CNTNAP2: variants seen among roughly 807,000 people sequenced by gnomAD.
The protein encoded by CNTNAP2 is contactin associated protein 2.
A neutral mutation model predicts 155.2 loss-of-function variants in CNTNAP2; 98 were observed. The ratio of observed to expected loss-of-function variants is 0.63; its 90% confidence interval spans 0.54 to 0.75. The LOEUF (loss-of-function observed/expected upper bound fraction) is 0.75. Among genes scored for constraint, CNTNAP2 ranks in the 30% least tolerant of loss-of-function variants. The probability of loss-of-function intolerance (pLI) is 0.00; values close to 1 mark genes in which losing one functional copy is unlikely to be tolerated. For synonymous variants in CNTNAP2, 651 were observed against 631.2 expected, an observed-to-expected ratio of 1.03 and a Z score of -0.47; for missense variants, 1,727 against 1,688.1, an observed-to-expected ratio of 1.02 and a Z score of -0.40.
At chr7:147,826,305 T>C (rs565958838) in intron 13 of CNTNAP2, among the ~76,000 whole-genome samples, 1 of 152,242 alleles carries the variant, frequency 6.6e-6, no homozygotes, top group Non-Finnish European at 1.5e-5. Flanking sequence ...GTTCAATGAA[T>C]ACTTAAAATT....
chr7:147,120,212 C>G (rs1801074758), intron 5 of CNTNAP2, among the ~76,000 whole-genome samples: 1 of 152,110 alleles, frequency 6.6e-6, no homozygotes, highest in Admixed American at 6.6e-5. Flanking sequence ...ATAATTATAA[C>G]AGTCATAAAA....
At chr7:146,587,908 A>G (rs1480616029) in intron 1 of CNTNAP2, among the ~76,000 whole-genome samples, 3 of 151,920 alleles carry the variant, frequency 2.0e-5, no homozygotes, top group African/African-American at 7.3e-5. Context: ...TCCTGACCTC[A>G]GGTGATCTGC....
chr7:148,010,554 G>T (rs1295556529), intron 15 of CNTNAP2, among the ~76,000 whole-genome samples: 1 of 151,154 alleles, frequency 6.6e-6, no homozygotes, highest in African/African-American at 2.4e-5. Flanking sequence ...TAATCTAAGG[G>T]TTCAGTTTCT....
At chr7:147,900,422 C>T (rs1045812987) in intron 13 of CNTNAP2, among the ~76,000 whole-genome samples, 3 of 152,078 alleles carry the variant, frequency 2.0e-5, no homozygotes, top group Non-Finnish European at 2.9e-5. Context: ...CTCTCTCCTG[C>T]CCCCATGAGA....
intron 1 of CNTNAP2, among the ~76,000 whole-genome samples, chr7:146,529,638 G>T (rs974897266): frequency 6.6e-6 from 1 of 151,984 alleles, no homozygotes; most frequent in Admixed American, 6.6e-5. Context: ...AGCTCACATG[G>T]GCAGGAAAGC....
intron 15 of CNTNAP2, among the ~76,000 whole-genome samples, chr7:148,030,890 TC>T (rs1407463082): frequency 6.6e-6 from 1 of 152,140 alleles, no homozygotes; most frequent in African/African-American, 2.4e-5. Flanking sequence ...GTGGATGGAA[TC>T]AGGCGGAAGC....
intron 15 of CNTNAP2, among the ~76,000 whole-genome samples, chr7:148,108,600 C>T (rs75332109): frequency 0.022 from 3,372 of 151,530 alleles, 59 homozygotes; most frequent in South Asian, 0.053. Flanking sequence ...AGCCAGGCAC[C>T]GAAAACAAAT....
At chr7:148,034,737 TG>T (rs1452895424) in intron 15 of CNTNAP2, among the ~76,000 whole-genome samples, 3 of 152,182 alleles carry the variant, frequency 2.0e-5, no homozygotes, top group African/African-American at 4.8e-5. Flanking sequence ...AGGAGTAGGC[TG>T]GGAAAAGCAT....
intron 20 of CNTNAP2, among the ~76,000 whole-genome samples, chr7:148,265,053 G>A (rs1175313783): frequency 1.3e-5 from 2 of 152,154 alleles, no homozygotes; most frequent in African/African-American, 2.4e-5. Context: ...CTAAGGCATT[G>A]CCAGGTAGGC....
At chr7:148,189,740 T>G (rs1321490261) in intron 18 of CNTNAP2, 1 of 152,230 alleles carries the variant, frequency 6.6e-6, no homozygotes. Flanking sequence ...CAGGCTGCTA[T>G]AGCGGACTGC....
chr7:147,274,589 A>G (rs1804851513), intron 8 of CNTNAP2, among the ~76,000 whole-genome samples: 2 of 152,110 alleles, frequency 1.3e-5, no homozygotes, highest in Non-Finnish European at 2.9e-5. Flanking sequence ...TGTCAGATGC[A>G]TAATTTGCAA....
intron 3 of CNTNAP2, among the ~76,000 whole-genome samples, chr7:146,922,369 T>C (rs1024519982): frequency 2.0e-5 from 3 of 152,118 alleles, no homozygotes; most frequent in Admixed American, 6.5e-5. Context: ...ATAGTAATTC[T>C]AAGCCTTTCC....
intron 1 of CNTNAP2, among the ~76,000 whole-genome samples, chr7:146,659,124 G>A (rs4726809): frequency 0.47 from 71,464 of 151,838 alleles, 17,627 homozygotes; most frequent in South Asian, 0.57. Context: ...ATGAAATACC[G>A]TTGGCAAGGG....
intron 1 of CNTNAP2, among the ~76,000 whole-genome samples, chr7:146,257,965 A>G (rs891417433): frequency 2.0e-5 from 3 of 149,464 alleles, no homozygotes; most frequent in Non-Finnish European, 4.5e-5. Flanking sequence ...GCCTCAGCTC[A>G]CTGCAGCCTC....
intron 3 of CNTNAP2, among the ~76,000 whole-genome samples, chr7:147,022,062 T>C (rs141225088): frequency 1.3e-5 from 2 of 152,318 alleles, no homozygotes; most frequent in Admixed American, 6.5e-5. Flanking sequence ...TTGGCCACTT[T>C]AGCTGTCCTG....
At chr7:148,108,258 T>C (rs1280131754) in intron 15 of CNTNAP2, among the ~76,000 whole-genome samples, 1 of 152,150 alleles carries the variant, frequency 6.6e-6, no homozygotes, top group Non-Finnish European at 1.5e-5. Context: ...CCCTCCTCCT[T>C]TCATCAGATT....
intron 8 of CNTNAP2, among the ~76,000 whole-genome samples, chr7:147,284,640 G>A (rs975403827): frequency 2.6e-5 from 4 of 151,718 alleles, no homozygotes; most frequent in African/African-American, 9.7e-5. Context: ...AAAAGACTTG[G>A]TAACATACAT....
intron 3 of CNTNAP2, among the ~76,000 whole-genome samples, chr7:146,841,879 C>T (rs1803731978): frequency 1.4e-5 from 2 of 143,136 alleles, no homozygotes; most frequent in African/African-American, 5.3e-5. Context: ...TTCAGCTTGT[C>T]TTGGAGTCTT....
At chr7:147,198,550 T>C (rs1275320833) in intron 8 of CNTNAP2, among the ~76,000 whole-genome samples, 5 of 152,164 alleles carry the variant, frequency 3.3e-5, no homozygotes. Flanking sequence ...ATATTCTTTG[T>C]TGAAATTGTC....
Sources: gnomAD v4.1 joint callset for allele counts (sites outside exome capture counted in the v4.1 genomes callset) on GRCh38, gnomAD v4.1.1 for gene constraint, MANE v1.5 for transcripts, NCBI Gene and HGNC (gene_info 2026-07-23, HGNC 2026-07-21) for gene names.